THADA: variants seen among roughly 807,000 people sequenced by gnomAD.
THADA encodes the protein tRNA (32-2'-O)-methyltransferase regulator THADA.
In THADA, 213 loss-of-function variants were observed where a neutral mutation model predicts 219.8. The observed-to-expected ratio is 0.97, with a 90% CI of 0.87 to 1.09. THADA has a LOEUF of 1.09. THADA is among the 50% of genes least tolerant of loss of function. The probability of loss-of-function intolerance (pLI) is 0.00; values close to 1 mark genes in which losing one functional copy is unlikely to be tolerated. For missense variants in THADA, 2,956 were observed against 2,311.3 expected (o/e 1.28, Z -5.72); for synonymous variants, 1,018 against 828.9 (o/e 1.23, Z -3.92).
intron 30 of THADA, among the ~76,000 whole-genome samples, chr2:43,337,549 T>C: frequency 6.6e-6 from 1 of 152,212 alleles, no homozygotes; most frequent in East Asian, 1.9e-4. Flanking sequence ...GGTGGAGGTC[T>C]CTCACGCACT....
chr2:43,385,067 G>T (rs1326587758), intron 29 of THADA, among the ~76,000 whole-genome samples: 1 of 151,984 alleles, frequency 6.6e-6, no homozygotes, highest in East Asian at 1.9e-4. Flanking sequence ...CTTGAACCTG[G>T]GAGGCAGAGT....
chr2:43,338,151 G>C (rs921137017), intron 30 of THADA, among the ~76,000 whole-genome samples: 1 of 143,002 alleles, frequency 7.0e-6, no homozygotes, highest in South Asian at 2.2e-4. Context: ...CAAATCACCA[G>C]AACTTTTTTT....
intron 23 of THADA, among the ~76,000 whole-genome samples, chr2:43,506,752 A>G (rs1444026243): frequency 6.6e-6 from 1 of 152,228 alleles, no homozygotes; most frequent in Admixed American, 6.5e-5. Flanking sequence ...GCTGTTAAAA[A>G]ATGTCACTTT....
At chr2:43,305,964 C>A in intron 31 of THADA, among the ~76,000 whole-genome samples, 1 of 145,992 alleles carries the variant, frequency 6.8e-6, no homozygotes, top group Non-Finnish European at 1.5e-5. Context: ...CTCCCTCCCT[C>A]CCTCCCTTCT....
chr2:43,563,713 G>A (rs1185710921), intron 15 of THADA: 3 of 152,002 alleles, frequency 2.0e-5, no homozygotes. Context: ...TAAGAAAGAT[G>A]CATGCAACTT....
chr2:43,485,377 C>T (rs1686789700), intron 25 of THADA, 52 bp from the exon 26 acceptor site: 3 of 1,273,164 alleles, frequency 2.4e-6, no homozygotes, highest in East Asian at 4.7e-5. Context: ...GGCATGAAAC[C>T]AACGTTTACA....
Position 43,398,064 on chromosome 2 carries a change from G to C in THADA, c.4134C>G (p.His1378Gln). The C allele has an allele frequency of 1.2e-6, 2 of 1,613,994 alleles. No individual in the cohort carries two copies. Among genetic ancestry groups the C allele is most frequent in the Non-Finnish European group, 1.7e-6 (2 of 1,179,852 alleles). ...RALVPFVMIDHIPNTIRTLLS... is the reference protein window; with the variant it reads ...RALVPFVMIDQIPNTIRTLLS... ...ACAGAGTTCGAATGGTATTAGGAAT[G>C]TGATCTATCATAACAAATGGGACCA... Residue 1378 changes from histidine to glutamine, a missense_variant, in exon 29 of 38, where the codon CAC (histidine) becomes CAG (glutamine). His to Gln is a conservative substitution (Grantham distance 24). Transcript: ENST00000405975.
chr2:43,572,866 T>A lies in THADA; in HGVS notation c.1856A>T (p.Asn619Ile). 1.9e-6 allele frequency: 3 copies of A among 1,613,882 alleles called. No homozygotes were observed. The African/African-American group carries it at 4.0e-5, about 22-fold the overall frequency. ...CTTTATTCTTGCATCAGACACGAGGTTCTCCCAGGTATCAGTTGCAGACTG... is the reference window on the plus strand; with the variant it reads ...CTTTATTCTTGCATCAGACACGAGGATCTCCCAGGTATCAGTTGCAGACTG... ...HLQSATDTWE[N>I]LVSDARIKQG... The change falls in exon 12 of 38, where the codon AAC (asparagine) becomes ATC (isoleucine). Residue 619 changes from asparagine (N) to isoleucine (I), a missense_variant. Asn to Ile is a moderately radical substitution (Grantham distance 149). Transcript: ENST00000405975.
intron 29 of THADA, among the ~76,000 whole-genome samples, chr2:43,378,904 C>G (rs1671688035): frequency 6.6e-6 from 1 of 152,252 alleles, no homozygotes; most frequent in South Asian, 2.1e-4. Context: ...TCGCACCAGC[C>G]TAATAATATC....
chr2:43,350,435 T>A (rs183107437), intron 29 of THADA, among the ~76,000 whole-genome samples: 1 of 152,320 alleles, frequency 6.6e-6, no homozygotes, highest in East Asian at 1.9e-4. Context: ...ATACAGTATG[T>A]CATTTGCAGT....
chr2:43,363,265 GGTTT>G (rs1348420994), intron 29 of THADA, among the ~76,000 whole-genome samples: 1 of 152,182 alleles, frequency 6.6e-6, no homozygotes, highest in Non-Finnish European at 1.5e-5. Context: ...CAGCGGAACA[GGTTT>G]GTTTACACCA....
At chr2:43,274,261 G>A (rs891980678) in intron 36 of THADA, among the ~76,000 whole-genome samples, 6 of 152,148 alleles carry the variant, frequency 3.9e-5, no homozygotes, top group Admixed American at 2.0e-4. Flanking sequence ...TACCAGACCC[G>A]GACAGTGTGC....
chr2:43,555,124 G>A lies in THADA; in HGVS notation c.2674+1221C>T, dbSNP rs78868334. Among the ~76,000 whole-genome samples the A allele has an allele frequency of 8.9e-3, 1,346 of 151,856 alleles. 25 individuals carry two copies. The highest frequency in any genetic ancestry group is 9.4e-3 in the Non-Finnish European group (636 of 67,952). On this transcript the variant is annotated intron_variant, in intron 17 of 37. Coordinates refer to ENST00000405975, the MANE Select transcript of THADA (RefSeq NM_022065.5). Reference sequence around the variant, plus strand: ...AGAAAAAGTCCATCAACAGGAGAACGGATTCATAAATTGTGGTAAATCTGT... The same window carrying A: ...AGAAAAAGTCCATCAACAGGAGAACAGATTCATAAATTGTGGTAAATCTGT...
At chr2:43,562,704 C>A (rs1332699060) in intron 15 of THADA, 1 of 152,208 alleles carries the variant, frequency 6.6e-6, no homozygotes, top group African/African-American at 2.4e-5. Flanking sequence ...AGAGAAGTCA[C>A]TTGCCCTGAA....
intron 7 of THADA, among the ~76,000 whole-genome samples, chr2:43,585,643 A>G (rs1700946614): frequency 6.6e-6 from 1 of 152,128 alleles, no homozygotes; most frequent in South Asian, 2.1e-4. Flanking sequence ...CTAATAAGAA[A>G]TATACTGAAC....
chr2:43,471,900 C>G (rs1684949388), intron 26 of THADA, among the ~76,000 whole-genome samples: 1 of 152,182 alleles, frequency 6.6e-6, no homozygotes, highest in Non-Finnish European at 1.5e-5. Context: ...TGCACTAAGT[C>G]TGGCATACAG....
intron 28 of THADA, among the ~76,000 whole-genome samples, chr2:43,409,163 G>T (rs1675964616): frequency 6.6e-6 from 1 of 152,190 alleles, no homozygotes; most frequent in South Asian, 2.1e-4. Flanking sequence ...ACTGCTGTAT[G>T]AAAGAAATTT....
chr2:43,399,879 CA>C (rs869226829), intron 28 of THADA, among the ~76,000 whole-genome samples: 1 of 123,908 alleles, frequency 8.1e-6, no homozygotes, highest in Non-Finnish European at 1.9e-5. Flanking sequence ...GACCAAAAAA[CA>C]AAAAAACAAA....
chr2:43,566,266 A>T, intron 15 of THADA: 1 of 513,822 alleles, frequency 1.9e-6, no homozygotes. Context: ...CCGAAACCAG[A>T]CTGAGGCACA....
Sources: allele counts gnomAD v4.1 joint callset (sites outside exome capture counted in the v4.1 genomes callset), GRCh38; gene constraint gnomAD v4.1.1; transcripts MANE v1.5; gene names NCBI Gene and HGNC (gene_info 2026-07-23, HGNC 2026-07-21).